The following MOB3C variants were observed in gnomAD, a reference collection of about 807,000 sequenced individuals.
MOB3C encodes the protein MOB kinase activator 3C, also known as MOB1, Mps One Binder kinase activator-like 2C.
MOB3C carries 17 observed loss-of-function variants against 19.8 expected under a neutral mutation model. The ratio of observed to expected loss-of-function variants is 0.86; its 90% CI spans 0.59 to 1.29. MOB3C has a LOEUF of 1.29. Ranked by LOEUF, MOB3C falls within the 50% of genes most tolerant of loss-of-function variation. MOB3C has a pLI of 0.00. For synonymous variants in MOB3C, 101 were observed against 119.2 expected, an observed-to-expected ratio of 0.85 and a Z score of 0.99; for missense variants, 291 against 301.9, an observed-to-expected ratio of 0.96 and a Z score of 0.27.
chr1:46,609,816 C>T (rs1348723906), intron 3 of MOB3C, 132 bp from the exon 4 acceptor site: 5 of 1,353,914 alleles, frequency 3.7e-6, no homozygotes, highest in East Asian at 2.4e-5. Context: ...TCTTAGGCTG[C>T]AGATCTGGGT....
chr1:46,612,347 G>A (rs1202264660), intron 2 of MOB3C, among the ~76,000 whole-genome samples: 2 of 152,178 alleles, frequency 1.3e-5, no homozygotes, highest in African/African-American at 4.8e-5. Flanking sequence ...TGTTCTGGAA[G>A]GTTCTGAGAA....
chr1:46,616,357 G>A (rs1400433391), intron 1 of MOB3C: 1 of 153,096 alleles, frequency 6.5e-6, no homozygotes, highest in Non-Finnish European at 1.5e-5. Context: ...AAGACTCCAC[G>A]CTCTCCTCGC....
chr1:46,610,726 C>A (rs1675449233), intron 2 of MOB3C, among the ~76,000 whole-genome samples: 1 of 152,194 alleles, frequency 6.6e-6, no homozygotes, highest in Admixed American at 6.5e-5. Context: ...GTGGCTCTCC[C>A]CTGCTGGAAT....
Position 46,610,189 on chromosome 1 carries a change from T to G in MOB3C, c.434A>C (p.Lys145Thr). 1 of 1,614,110 alleles carries G rather than the reference T, an allele frequency of 6.2e-7. No homozygotes were observed. Among genetic ancestry groups the G allele is most frequent in the Middle Eastern group, 1.6e-4 (1 of 6,062 alleles). Residue 145 changes from lysine (K) to threonine (T), a missense_variant, in exon 3 of 4, where the codon AAG (lysine) becomes ACG (threonine). Physicochemically the swap from Lys to Thr is moderately conservative, Grantham distance 78. Transcript: ENST00000319928. The stretch of plus-strand genomic sequence containing the variant: ...CTTGGTGCAGACCTGCTGGAAGTTC[T>G]TAGGGAAGGGAACTCCTAGAGGGCA... ...FPTRVGVPFP[K>T]NFQQVCTKIL...
Position 46,613,214 on chromosome 1 carries a change from G to A in MOB3C, c.108C>T (p.Ala36=). ...GCAGGTCCAGGCCCGACTTGAGAGAGGCCTGTGCCTTCTTGTACAGCTCAA... is the reference window on the plus strand; with the variant it reads ...GCAGGTCCAGGCCCGACTTGAGAGAAGCCTGTGCCTTCTTGTACAGCTCAA... The part of the protein sequence containing the change: ...QRFELYKKAQ[A]SLKSGLDLRS... Residue 36 remains alanine (A), a synonymous_variant, in exon 2 of 4, where the codon GCC becomes GCT. Transcript: ENST00000319928. The A allele has an allele frequency of 6.2e-7, 1 of 1,614,202 alleles. No homozygotes were observed. Among genetic ancestry groups the A allele is most frequent in the Non-Finnish European group, 8.5e-7 (1 of 1,180,040 alleles).
chr1:46,613,286 G>C lies in MOB3C; in HGVS notation c.36C>G (p.Asp12Glu), dbSNP rs1416515112. Reference protein sequence around the residue: ...ALCLKQVFAKDKTFRPRKRFE... With the variant: ...ALCLKQVFAKEKTFRPRKRFE... ...AGCGCTTCCGCGGCCGGAACGTCTT[G>C]TCCTTGGCGAACACCTGCTTCAGGC... The change falls in exon 2 of 4, where the codon GAC (aspartate) becomes GAG (glutamate). Residue 12 changes from aspartate to glutamate, a missense_variant. Coordinates refer to ENST00000319928, the MANE Select transcript of MOB3C (RefSeq NM_201403.3). The C allele has an allele frequency of 1.9e-6, 3 of 1,609,720 alleles. No individual in the cohort carries two copies. Among genetic ancestry groups the C allele is most frequent in the Non-Finnish European group, 2.5e-6 (3 of 1,180,022 alleles).
At position 46,609,244 on chromosome 1, in the gene MOB3C, AC is replaced by A. The variant is rs1675420537; in HGVS notation, c.*410del. 1 of 295,668 alleles carries A rather than the reference AC, an allele frequency of 3.4e-6. No individual in the cohort carries two copies. The highest frequency in any genetic ancestry group is 3.3e-5 in the South Asian group (1 of 30,722). 18.3% of individuals were successfully genotyped at this position (295,668 alleles called of 1,614,324 possible). ...ACCCCACAGTGAAAATCACACACAC[AC>A]ACACACACCCCGGCATCTGTGCTCA... is the stretch of plus-strand genomic sequence containing the variant. On this transcript the variant is annotated 3_prime_UTR_variant, in exon 4 of 4. Coordinates refer to ENST00000319928, the MANE Select transcript of MOB3C (RefSeq NM_201403.3).
Position 46,613,039 on chromosome 1 carries a change from G to C in MOB3C, c.283C>G (p.Arg95Gly), listed in dbSNP as rs766409369. The change falls in exon 2 of 4, where the codon CGC (arginine) becomes GGC (glycine). Residue 95 changes from arginine (R) to glycine (G), a missense_variant. Transcript: ENST00000319928. ...TCGTCCTGCCAGCGGTACTCGTAGC[G>C]GGGCCCGCCGGCCATGACCGGGCAG... Reference protein sequence around the residue: ...TSCPVMAGGPRYEYRWQDERQ... With the variant: ...TSCPVMAGGPGYEYRWQDERQ... 6.2e-7 allele frequency: 1 copy of C among 1,614,034 alleles called. No individual in the cohort carries two copies. Among genetic ancestry groups the C allele is most frequent in the Non-Finnish European group, 8.5e-7 (1 of 1,179,970 alleles).
intron 1 of MOB3C, chr1:46,614,319 G>T (rs1348749417): frequency 6.6e-6 from 1 of 152,358 alleles, no homozygotes; most frequent in East Asian, 1.9e-4. Flanking sequence ...CTGGGTTCTA[G>T]TCCCAGCTCT....
At chr1:46,612,789 T>C (rs1346064849) in intron 2 of MOB3C, 115 bp downstream of exon 2, 1 of 1,090,348 alleles carries the variant, frequency 9.2e-7, no homozygotes, top group East Asian at 2.7e-5. Context: ...GCTTTCCTCT[T>C]CCACAAAATG....
chr1:46,611,631 C>T lies in MOB3C; in HGVS notation c.418+1273G>A, dbSNP rs1049035018. Among the ~76,000 whole-genome samples the T allele has an allele frequency of 6.6e-6, 1 of 152,168 alleles. No individual in the cohort carries two copies. Among genetic ancestry groups the T allele is most frequent in the African/African-American group, 2.4e-5 (1 of 41,416 alleles). ...ATTCCCAGGTGGGGTCGAGCCTTCC[C>T]TCCCTCTGAGCCCCTCCAGCCCAGC... is the stretch of plus-strand genomic sequence containing the variant. On this transcript the variant is annotated intron_variant, in intron 2 of 3. Coordinates refer to ENST00000319928, the MANE Select transcript of MOB3C (RefSeq NM_201403.3). This position sits in a 1 kb window ranked among gnomAD's most constrained non-coding sequence, Gnocchi z 4.1.
intron 2 of MOB3C, 30 bp from the exon 3 acceptor site, chr1:46,610,234 C>T: frequency 6.2e-7 from 1 of 1,608,630 alleles, no homozygotes; most frequent in Non-Finnish European, 8.5e-7. Context: ...AGAAGGGGAT[C>T]AGTATCCTGG....
rs144137370 is a variant in MOB3C at position 46,611,059 on chromosome 1, A to C, written c.419-855T>G. Among the ~76,000 whole-genome samples, 348 of 152,086 alleles carry C rather than the reference A, an allele frequency of 2.3e-3. 5 individuals carry two copies. The highest frequency in any genetic ancestry group is 7.9e-3 in the African/African-American group (329 of 41,458). The stretch of plus-strand genomic sequence containing the variant: ...TGTCCCTCCTCTTTTCAACATTCAC[A>C]CAGAAGTCCTCAGACCCCCAATCCT... On this transcript the variant is annotated intron_variant, in intron 2 of 3. Transcript: ENST00000319928. The surrounding 1 kb of genome is among the most constrained non-coding windows in gnomAD (Gnocchi z 4.1).
At position 46,610,086 on chromosome 1, in the gene MOB3C, C is replaced by T. The variant is rs1451127299; in HGVS notation, c.537G>A (p.Glu179=). 28 of 1,614,090 alleles carry T rather than the reference C, an allele frequency of 1.7e-5. No homozygotes were observed. Among genetic ancestry groups the T allele is most frequent in the Non-Finnish European group, 1.9e-5 (23 of 1,180,050 alleles). The change falls in exon 3 of 4, where the codon GAG becomes GAA. Residue 179 remains glutamate (E), a synonymous_variant. Coordinates refer to ENST00000319928, the MANE Select transcript of MOB3C (RefSeq NM_201403.3). ...HFDSILSMGA[E]AHVNTCYKHF... Reference sequence around the variant, plus strand: ...GCTTGTAGCAGGTGTTGACGTGCGCCTCTGCCCCCATGCTGAGGATGCTAT... The same window carrying T: ...GCTTGTAGCAGGTGTTGACGTGCGCTTCTGCCCCCATGCTGAGGATGCTAT...
At position 46,613,167 on chromosome 1, in the gene MOB3C, G is replaced by A; in HGVS notation, c.155C>T (p.Pro52Leu). 6.2e-7 allele frequency: 1 copy of A among 1,614,270 alleles called. No homozygotes were observed. The highest frequency in any genetic ancestry group is 8.5e-7 in the Non-Finnish European group (1 of 1,180,048). Residue 52 changes from proline (P) to leucine (L), a missense_variant, in exon 2 of 4, where the codon CCC becomes CTC. By Grantham distance (98) the Pro-to-Leu change is moderately conservative. Transcript: ENST00000319928. Reference protein sequence around the residue: ...LDLRSVVRLPPGENIDDWIAV... With the variant: ...LDLRSVVRLPLGENIDDWIAV... ...GATCCAGTCGTCGATGTTCTCCCCG[G>A]GTGGTAGCCTCACCACACTGCGCAG...
intron 1 of MOB3C, 56 bp from the exon 2 acceptor site, chr1:46,613,427 C>T (rs1675508768): frequency 6.9e-7 from 1 of 1,445,374 alleles, no homozygotes; most frequent in South Asian, 1.3e-5. Flanking sequence ...CATCTGGGCT[C>T]TGACTTCCCA....
intron 1 of MOB3C, chr1:46,615,007 G>A (rs6671527): frequency 0.5 from 805,960 of 1,600,774 alleles, 211,774 homozygotes; most frequent in East Asian, 0.9. Context: ...CCGACTCTTC[G>A]ACTTCTCACC....
Position 46,613,057 on chromosome 1 carries a change from C to G in MOB3C, c.265G>C (p.Val89Leu). 1.2e-6 allele frequency: 2 copies of G among 1,614,142 alleles called. No individual in the cohort carries two copies. The highest frequency in any genetic ancestry group is 1.7e-6 in the Non-Finnish European group (2 of 1,179,990). The stretch of plus-strand genomic sequence containing the variant: ...TCGTAGCGGGGCCCGCCGGCCATGA[C>G]CGGGCAGCTGGTCTCACTGCAGCGC... Reference protein sequence around the residue: ...AERCSETSCPVMAGGPRYEYR... With the variant: ...AERCSETSCPLMAGGPRYEYR... Residue 89 changes from valine to leucine, a missense_variant, in exon 2 of 4, where the codon GTC (valine) becomes CTC (leucine). Val to Leu is a conservative substitution (Grantham distance 32). Transcript: ENST00000319928.
At position 46,611,389 on chromosome 1, in the gene MOB3C, C is replaced by A. The variant is rs556881867; in HGVS notation, c.419-1185G>T. On this transcript the variant is annotated intron_variant, in intron 2 of 3. Transcript: ENST00000319928. The surrounding 1 kb of genome is among the most constrained non-coding windows in gnomAD (Gnocchi z 4.1). ...AGCGACCCTCACAGATATTGGGACC[C>A]ATGAAAAAGGCCCCGCTTCTGCATA... 2.6e-5 allele frequency among the ~76,000 whole-genome samples: 4 copies of A among 152,290 alleles called. No homozygotes were observed. In the East Asian group the frequency reaches 7.7e-4, roughly 29 times the overall value.
Sources: gnomAD v4.1 joint callset for allele counts (sites outside exome capture counted in the v4.1 genomes callset) on GRCh38, gnomAD v4.1.1 for gene constraint, Gnocchi (gnomAD v3.1) non-coding constraint, MANE v1.5 for transcripts, NCBI Gene and HGNC (gene_info 2026-07-23, HGNC 2026-07-21) for gene names.